Variants in MECOM observed in about 807,000 individuals in gnomAD.
The protein encoded by MECOM is MDS1 and EVI1 complex locus.
A neutral mutation model predicts 116.3 loss-of-function variants in MECOM; 13 were observed. The ratio of observed to expected loss-of-function variants is 0.11; its 90% CI spans 0.07 to 0.18. The LOEUF is 0.18. MECOM is among the 10% of genes least tolerant of loss of function. MECOM has a pLI of 1.00. For synonymous variants in MECOM, 528 were observed against 535.2 expected (o/e 0.99, Z 0.19); for missense variants, 1,299 against 1,509.0 (o/e 0.86, Z 2.31).
chr3:169,245,301 A>G (rs1755443565), intron 2 of MECOM, among the ~76,000 whole-genome samples: 1 of 152,168 alleles, frequency 6.6e-6, no homozygotes, highest in South Asian at 2.1e-4. Flanking sequence ...AAAAGCCACC[A>G]TCCTTGCCAC....
rs146919589 is a variant in MECOM at position 169,341,461 on chromosome 3, G to A, written c.375+39726C>T. ...AAAAAAAAAAAAAAACACAGAAGGG[G>A]CCGAGCGCGGTGGCTCACGTCTGTA... On this transcript the variant is annotated intron_variant, in intron 2 of 16. Transcript: ENST00000651503. Among the ~76,000 whole-genome samples the A allele has an allele frequency of 6.6e-3, 987 of 150,466 alleles. 12 individuals are homozygous for A. Among genetic ancestry groups the A allele is most frequent in the African/African-American group, 0.023 (948 of 40,964 alleles).
At chr3:169,607,751 C>T (rs1281365024) in intron 1 of MECOM, among the ~76,000 whole-genome samples, 1 of 152,228 alleles carries the variant, frequency 6.6e-6, no homozygotes, top group Non-Finnish European at 1.5e-5. Flanking sequence ...AATCCCTACA[C>T]ACCTGAATGC....
intron 1 of MECOM, among the ~76,000 whole-genome samples, chr3:169,445,624 G>T (rs919158378): frequency 8.5e-5 from 13 of 152,170 alleles, no homozygotes; most frequent in African/African-American, 3.1e-4. Context: ...GTCCCTACCG[G>T]GACACTTTCT....
chr3:169,438,033 C>T (rs1459939214), intron 1 of MECOM, among the ~76,000 whole-genome samples: 1 of 152,140 alleles, frequency 6.6e-6, no homozygotes, highest in Admixed American at 6.5e-5. Flanking sequence ...CATAATAGCC[C>T]ATGAGGTAGA....
At chr3:169,357,048 G>A (rs565115189) in intron 2 of MECOM, among the ~76,000 whole-genome samples, 6 of 151,760 alleles carry the variant, frequency 4.0e-5, no homozygotes, top group Admixed American at 1.3e-4. Context: ...CCTTGTTGCC[G>A]CATTTCTGTT....
chr3:169,087,532 G>A (rs1288365622), intron 16 of MECOM, among the ~76,000 whole-genome samples: 2 of 152,136 alleles, frequency 1.3e-5, no homozygotes, highest in African/African-American at 4.8e-5. Flanking sequence ...AGCAAGTCGA[G>A]GCTATAGTGA....
At chr3:169,168,802 C>G (rs1432564769) in intron 2 of MECOM, among the ~76,000 whole-genome samples, 12 of 151,198 alleles carry the variant, frequency 7.9e-5, no homozygotes, top group Non-Finnish European at 1.6e-4. Flanking sequence ...GGGAAAAATG[C>G]AAATTTGTAT....
chr3:169,147,597 C>T (rs1740293147), intron 2 of MECOM: 1 of 985,282 alleles, frequency 1.0e-6, no homozygotes, highest in African/African-American at 1.7e-5. Flanking sequence ...ATGGATGCAC[C>T]ATCCCCCTTA....
At chr3:169,590,324 TAATAGCAAC>T (rs1012398511) in intron 1 of MECOM, among the ~76,000 whole-genome samples, 4 of 152,204 alleles carry the variant, frequency 2.6e-5, no homozygotes, top group African/African-American at 4.8e-5. Context: ...AAAATAGGTA[TAATAGCAAC>T]AATAGCAACA....
intron 1 of MECOM, among the ~76,000 whole-genome samples, chr3:169,462,674 G>T (rs1443333524): frequency 6.6e-6 from 1 of 152,160 alleles, no homozygotes; most frequent in Non-Finnish European, 1.5e-5. Flanking sequence ...CGAAAAACTG[G>T]AAACAGTCTT....
At chr3:169,132,935 G>T (rs1313195521) in intron 3 of MECOM, among the ~76,000 whole-genome samples, 1 of 151,420 alleles carries the variant, frequency 6.6e-6, no homozygotes, top group Admixed American at 6.6e-5. Flanking sequence ...GTATTTTTTG[G>T]TAGAGATGGG....
chr3:169,322,686 A>G (rs1328830179), intron 2 of MECOM, among the ~76,000 whole-genome samples: 2 of 152,146 alleles, frequency 1.3e-5, no homozygotes, highest in African/African-American at 4.8e-5. Flanking sequence ...GGTAAATGAT[A>G]CCAATTCATC....
chr3:169,365,180 T>G (rs1300452190), intron 2 of MECOM, among the ~76,000 whole-genome samples: 2 of 152,008 alleles, frequency 1.3e-5, no homozygotes, highest in Non-Finnish European at 2.9e-5. Flanking sequence ...GGGTTTTATC[T>G]TATTTATTTG....
Position 169,381,230 on chromosome 3 carries a change from C to G in MECOM, c.332G>C (p.Gly111Ala), listed in dbSNP as rs927897039. 5 of 1,613,126 alleles carry G rather than the reference C, an allele frequency of 3.1e-6. No individual in the cohort carries two copies. Among genetic ancestry groups the G allele is most frequent in the Non-Finnish European group, 4.2e-6 (5 of 1,179,188 alleles). ...GTCTTTCAGGTTTGACCTCTGCTCT[C>G]CCACATAAGGCCCAAACTTTTCACC... ...EVGEKFGPYVGEQRSNLKDPS... is the reference protein window; with the variant it reads ...EVGEKFGPYVAEQRSNLKDPS... The change falls in exon 2 of 17, where the codon GGA (glycine) becomes GCA (alanine). Residue 111 changes from glycine to alanine, a missense_variant. Around this residue, in one of 6 missense-constraint regions of MECOM, gnomAD observed 374 missense variants for 433.4 expected, o/e 0.86. Transcript: ENST00000651503.
intron 1 of MECOM, among the ~76,000 whole-genome samples, chr3:169,463,111 C>T (rs1747727218): frequency 6.6e-6 from 1 of 152,096 alleles, no homozygotes; most frequent in Non-Finnish European, 1.5e-5. Context: ...ATTTATATGT[C>T]TGTGAGCATA....
intron 1 of MECOM, among the ~76,000 whole-genome samples, chr3:169,425,507 C>T (rs181791313): frequency 2.6e-5 from 4 of 152,214 alleles, no homozygotes; most frequent in Non-Finnish European, 5.9e-5. Flanking sequence ...AAAGAGACAA[C>T]TCTATGTAAC....
intron 1 of MECOM, among the ~76,000 whole-genome samples, chr3:169,644,071 C>A (rs1280165908): frequency 6.6e-6 from 1 of 152,068 alleles, no homozygotes; most frequent in African/African-American, 2.4e-5. Context: ...ATTCTATTTT[C>A]TTTAGTTTAT....
intron 2 of MECOM, among the ~76,000 whole-genome samples, chr3:169,172,407 ATGTGTGTGTGTG>A (rs5854312): frequency 1.5e-4 from 22 of 144,468 alleles, no homozygotes; most frequent in South Asian, 2.3e-4. Flanking sequence ...GTACCCTTGT[ATGTGTGTGTGTG>A]TGTGTGTGTG....
intron 1 of MECOM, among the ~76,000 whole-genome samples, chr3:169,444,016 TA>T (rs1437905184): frequency 6.6e-6 from 1 of 152,262 alleles, no homozygotes; most frequent in Non-Finnish European, 1.5e-5. Flanking sequence ...AAGTTTCTCG[TA>T]ACTGCATCTC....
Sources: gnomAD v4.1 joint callset for allele counts (sites outside exome capture counted in the v4.1 genomes callset) on GRCh38, gnomAD v4.1.1 for gene constraint, gnomAD v4.1.1 regional missense constraint, MANE v1.5 for transcripts, NCBI Gene and HGNC (gene_info 2026-07-23, HGNC 2026-07-21) for gene names.